Variants in TRAK1 observed in about 807,000 individuals in gnomAD.
The protein encoded by TRAK1 is trafficking kinesin protein 1.
TRAK1 carries 33 observed loss-of-function variants against 92.1 expected under a neutral mutation model. That is an observed-to-expected ratio of 0.36 (90% CI 0.27 to 0.48). The LOEUF (loss-of-function observed/expected upper bound fraction) is 0.48, where lower values mean the gene tolerates loss of function less well. Ranked by LOEUF, TRAK1 falls within the 20% of genes least tolerant of loss-of-function variation. TRAK1 has a pLI of 0.99. For synonymous variants in TRAK1, 521 were observed against 517.3 expected (o/e 1.01, Z -0.10); for missense variants, 1,123 against 1,257.9 (o/e 0.89, Z 1.62).
intron 12 of TRAK1, 147 bp downstream of exon 12, chr3:42,201,201 A>G (rs746462118): frequency 3.1e-5 from 26 of 846,466 alleles, no homozygotes; most frequent in Admixed American, 7.0e-5. Context: ...GCTCGCGCCT[A>G]TAATCCTAGC....
intron 1 of TRAK1, among the ~76,000 whole-genome samples, chr3:42,105,018 C>G (rs1707333715): frequency 6.9e-6 from 1 of 145,822 alleles, no homozygotes; most frequent in African/African-American, 2.6e-5. Context: ...ATGGCTCGGT[C>G]TTGGCTCACC....
At chr3:42,069,743 GTAT>G (rs1456798973) in intron 1 of TRAK1, among the ~76,000 whole-genome samples, 2 of 152,160 alleles carry the variant, frequency 1.3e-5, no homozygotes, top group Admixed American at 6.5e-5. Flanking sequence ...ATCAAAATCA[GTAT>G]TATTAGACAT....
chr3:42,206,513 T>C (rs1192935727), intron 13 of TRAK1, among the ~76,000 whole-genome samples: 1 of 152,212 alleles, frequency 6.6e-6, no homozygotes, highest in African/African-American at 2.4e-5. Context: ...ACTTGCCAGC[T>C]CTGTAGCCTC....
At chr3:42,106,915 G>A (rs1484794154) in intron 1 of TRAK1, among the ~76,000 whole-genome samples, 1 of 152,204 alleles carries the variant, frequency 6.6e-6, no homozygotes, top group Non-Finnish European at 1.5e-5. Context: ...CAATAAAACA[G>A]ATGAATGCAT....
intron 2 of TRAK1, among the ~76,000 whole-genome samples, chr3:42,170,881 T>G (rs1173706844): frequency 2.0e-4 from 31 of 151,410 alleles, no homozygotes; most frequent in African/African-American, 7.3e-4. Context: ...TGGAGTGCAG[T>G]GGCATGATCT....
intron 1 of TRAK1, among the ~76,000 whole-genome samples, chr3:42,042,271 T>G (rs1702574972): frequency 6.6e-6 from 1 of 152,154 alleles, no homozygotes; most frequent in Non-Finnish European, 1.5e-5. Context: ...GGGTGTTGAA[T>G]TTTGTCAAAT....
chr3:42,027,983 G>A (rs759907428), intron 1 of TRAK1, among the ~76,000 whole-genome samples: 6 of 152,140 alleles, frequency 3.9e-5, no homozygotes, highest in Non-Finnish European at 7.4e-5. Flanking sequence ...CTGAGTAGCT[G>A]GGATTATAGG....
At chr3:42,075,366 A>G (rs1275362718) in intron 1 of TRAK1, among the ~76,000 whole-genome samples, 1 of 141,746 alleles carries the variant, frequency 7.1e-6, no homozygotes, top group Non-Finnish European at 1.5e-5. Flanking sequence ...AAAAAAAAAA[A>G]GAATGAGGTA....
intron 1 of TRAK1, among the ~76,000 whole-genome samples, chr3:42,052,829 G>A (rs1703036161): frequency 6.6e-6 from 1 of 152,210 alleles, no homozygotes; most frequent in Non-Finnish European, 1.5e-5. Context: ...TAAGGACTGA[G>A]GTGGTAAGGG....
intron 14 of TRAK1, among the ~76,000 whole-genome samples, chr3:42,214,974 A>G (rs1276916091): frequency 6.6e-6 from 1 of 152,252 alleles, no homozygotes; most frequent in Non-Finnish European, 1.5e-5. Context: ...GCACTGTTGC[A>G]TCTGAAACTG....
chr3:42,041,914 C>T lies in TRAK1; in HGVS notation c.-519+27797C>T, dbSNP rs1228974068. Among the ~76,000 whole-genome samples the T allele has an allele frequency of 7.9e-5, 12 of 152,202 alleles. No individual in the cohort carries two copies. The East Asian group carries it at 1.4e-3, about 17-fold the overall frequency. Reference sequence around the variant, plus strand: ...GGTTCAAGCGATTCTCCTGCCTTAGCCTCCTGAGTCTGGGATTGCAGGCAC... The same window carrying T: ...GGTTCAAGCGATTCTCCTGCCTTAGTCTCCTGAGTCTGGGATTGCAGGCAC... On this transcript the variant is annotated intron_variant, in intron 1 of 16. Transcript: ENST00000487159.
At chr3:42,156,434 C>T (rs549767194) in intron 2 of TRAK1, among the ~76,000 whole-genome samples, 1 of 152,306 alleles carries the variant, frequency 6.6e-6, no homozygotes, top group Non-Finnish European at 1.5e-5. Flanking sequence ...AATTTCATGT[C>T]TTACACAGCA....
In TRAK1 at chr3:42,172,795, C is replaced by T. The variant is rs551543658; in HGVS notation, c.287-4019C>T. On this transcript the variant is annotated intron_variant, in intron 2 of 15. Coordinates refer to ENST00000327628, the MANE Select transcript of TRAK1 (RefSeq NM_001042646.3). The stretch of plus-strand genomic sequence containing the variant: ...TGTGTATTTTACTATGGTGGGTAGG[C>T]AGCAAGTTGCATTTAACTTCTTTTT... 3.3e-5 allele frequency among the ~76,000 whole-genome samples: 5 copies of T among 152,262 alleles called. No homozygotes were observed. In the South Asian group the frequency reaches 1.0e-3, roughly 32 times the overall value.
intron 2 of TRAK1, chr3:42,160,605 A>C: frequency 9.9e-7 from 1 of 1,011,164 alleles, no homozygotes; most frequent in Non-Finnish European, 1.4e-6. Flanking sequence ...TAGAGATCTT[A>C]TGCAAATGGC....
At position 42,053,850 on chromosome 3, in the gene TRAK1, C is replaced by T. The variant is rs368168496; in HGVS notation, c.-518-33254C>T. On this transcript the variant is annotated intron_variant, in intron 1 of 16. Coordinates refer to the TRAK1 transcript ENST00000487159. ...TGATGGATTGACTGCTCATCCCACA[C>T]AATTGGGACCAAAATCTCTGGCCCT... Among the ~76,000 whole-genome samples the T allele has an allele frequency of 8.1e-4, 124 of 152,310 alleles. No homozygotes were observed. In the Middle Eastern group the frequency reaches 0.01, roughly 13 times the overall value.
chr3:42,057,687 C>T (rs544817612), intron 1 of TRAK1, among the ~76,000 whole-genome samples: 2 of 152,128 alleles, frequency 1.3e-5, no homozygotes, highest in East Asian at 3.9e-4. Context: ...GGAAGGCGAG[C>T]ACTGACCTGC....
chr3:42,202,655 G>T lies in TRAK1; in HGVS notation c.1647G>T (p.Thr549=). ...TPTESIMSLG[T]HSRFSEFTGF... ...CTGAGAGCATCATGTCCCTGGGCAC[G>T]CACTCCCGCTTCTCCGAGTTCACCG... Residue 549 remains threonine, a synonymous_variant, in exon 13 of 16, where the codon ACG becomes ACT. Coordinates refer to ENST00000327628, the MANE Select transcript of TRAK1 (RefSeq NM_001042646.3). The surrounding 1 kb of genome is among the most constrained non-coding windows in gnomAD (Gnocchi z 6.1). 6.2e-7 allele frequency: 1 copy of T among 1,612,964 alleles called. No individual in the cohort carries two copies. The highest frequency in any genetic ancestry group is 8.5e-7 in the Non-Finnish European group (1 of 1,179,096).
chr3:42,218,064 C>T (rs1462126551), intron 14 of TRAK1: 5 of 985,356 alleles, frequency 5.1e-6, no homozygotes, highest in Middle Eastern at 1.0e-3. Context: ...TGCTTTGACA[C>T]ACAGACCCGA....
intron 1 of TRAK1, among the ~76,000 whole-genome samples, chr3:42,110,086 A>T (rs560381575): frequency 1.1e-4 from 13 of 120,236 alleles, no homozygotes; most frequent in Non-Finnish European, 2.2e-4. Flanking sequence ...TGTACCCTAG[A>T]ACTTAAAGTA....
Sources: allele counts gnomAD v4.1 joint callset (sites outside exome capture counted in the v4.1 genomes callset), GRCh38; gene constraint gnomAD v4.1.1; non-coding constraint Gnocchi (gnomAD v3.1); transcripts MANE v1.5; gene names NCBI Gene and HGNC (gene_info 2026-07-23, HGNC 2026-07-21).